The following PKD1L1 variants were observed in gnomAD, a reference collection of about 807,000 sequenced individuals.
The protein encoded by PKD1L1 is polycystin-1-like protein 1.
In PKD1L1, 236 loss-of-function variants were observed where a neutral mutation model predicts 323.4. The observed-to-expected ratio is 0.73, with a 90% CI of 0.66 to 0.81. The LOEUF (loss-of-function observed/expected upper bound fraction) is 0.81. Ranked by LOEUF, PKD1L1 falls within the 40% of genes least tolerant of loss-of-function variation. PKD1L1 has a pLI of 0.00. For synonymous variants in PKD1L1, 1,344 were observed against 1,335.0 expected (o/e 1.01, Z -0.15); for missense variants, 3,320 against 3,508.0 (o/e 0.95, Z 1.35).
At chr7:47,882,628 C>T in intron 19 of PKD1L1, among the ~76,000 whole-genome samples, 1 of 145,510 alleles carries the variant, frequency 6.9e-6, no homozygotes, top group East Asian at 2.1e-4. Flanking sequence ...GAAGGAGTTT[C>T]CAGGTTGAGT....
Position 47,902,399 on chromosome 7 carries a change from T to C in PKD1L1, c.2044A>G (p.Met682Val), listed in dbSNP as rs202215999. ...EPCQPPLVKN[M>V]GPGKVQIWRS... Reference sequence around the variant, plus strand: ...CCTACCTGGACTTTCCCAGGCCCCATGTTCTTCACCAGGGGTGGCTGGCAG... The same window carrying C: ...CCTACCTGGACTTTCCCAGGCCCCACGTTCTTCACCAGGGGTGGCTGGCAG... The change falls in exon 13 of 57, where the codon ATG (methionine) becomes GTG (valine). Residue 682 changes from methionine to valine, a missense_variant. Coordinates refer to ENST00000289672, the MANE Select transcript of PKD1L1 (RefSeq NM_138295.5). 22 of 1,614,168 alleles carry C rather than the reference T, an allele frequency of 1.4e-5. No individual in the cohort carries two copies. Among genetic ancestry groups the C allele is most frequent in the Middle Eastern group, 3.3e-4 (2 of 6,062 alleles).
chr7:47,808,115 G>T, intron 52 of PKD1L1, 132 bp downstream of exon 52: 1 of 1,188,152 alleles, frequency 8.4e-7, no homozygotes, highest in Non-Finnish European at 1.2e-6. Flanking sequence ...CCATCTGCCA[G>T]CTCAGAGCAT....
chr7:47,924,720 A>G (rs966043030), intron 7 of PKD1L1, among the ~76,000 whole-genome samples: 1 of 152,226 alleles, frequency 6.6e-6, no homozygotes, highest in South Asian at 2.1e-4. Flanking sequence ...TGGCCTCTGC[A>G]TTACAGTAAG....
intron 56 of PKD1L1, among the ~76,000 whole-genome samples, chr7:47,788,589 T>TTTA (rs1786867402): frequency 3.7e-5 from 5 of 135,044 alleles, no homozygotes; most frequent in African/African-American, 1.4e-4. Context: ...TTTTTTTTTT[T>TTTA]AATTTTAATT....
chr7:47,908,379 C>G (rs573268683), intron 8 of PKD1L1, 129 bp from the exon 9 acceptor site: 1 of 892,540 alleles, frequency 1.1e-6, no homozygotes, highest in East Asian at 2.6e-5. Context: ...TCTTTCTTGT[C>G]TCTTGTAGCA....
At chr7:47,902,578 TTCATACCCAC>T in intron 12 of PKD1L1, 67 bp from the exon 13 acceptor site, 1 of 1,536,016 alleles carries the variant, frequency 6.5e-7, no homozygotes, top group Non-Finnish European at 8.9e-7. Context: ...TCATTCACTC[TTCATACCCAC>T]TCATATCTGC....
At chr7:47,857,105 C>A (rs1166966861) in intron 28 of PKD1L1, among the ~76,000 whole-genome samples, 2 of 152,222 alleles carry the variant, frequency 1.3e-5, no homozygotes, top group Non-Finnish European at 1.5e-5. Flanking sequence ...GAGCCAGGGG[C>A]CACCCTGCAG....
intron 46 of PKD1L1, chr7:47,817,977 G>A (rs1177593566): frequency 8.5e-7 from 1 of 1,178,954 alleles, no homozygotes; most frequent in South Asian, 1.4e-5. Flanking sequence ...ATCCTTTCAA[G>A]TATTTGATCT....
rs1263629346 is a variant in PKD1L1 at position 47,873,909 on chromosome 7, CCAGA to C, written c.3882_3885del (p.Cys1294TrpfsTer10). 3.1e-6 allele frequency: 5 copies of C among 1,613,218 alleles called. No homozygotes were observed. The Admixed American group carries it at 5.0e-5, about 16-fold the overall frequency. On this transcript the variant is annotated frameshift_variant, in exon 24 of 57. Transcript: ENST00000289672. LOFTEE classifies it high-confidence loss of function. ...CATTGTGTTACTCACAGGTCCTCGC[CCAGA>C]CAGTCATTTCCATGGTAGCGGGGCA...
Position 47,830,092 on chromosome 7 carries a change from T to C in PKD1L1, c.6506A>G (p.His2169Arg). Residue 2169 changes from histidine (H) to arginine (R), a missense_variant, in exon 43 of 57, where the codon CAC (histidine) becomes CGC (arginine). By Grantham distance (29) the His-to-Arg change is conservative. Transcript: ENST00000289672. ...GCAGACCACGGAGAGGGACAGCAGG[T>C]GCAGCCACTGCACACATTGCTCCTG... ...FGQEQCVQWL[H>R]LLSLSVVCCI... is the part of the protein sequence containing the mutation. The C allele has an allele frequency of 6.2e-7, 1 of 1,613,770 alleles. No homozygotes were observed. The highest frequency in any genetic ancestry group is 1.1e-5 in the South Asian group (1 of 91,012).
At chr7:47,959,724 C>A in the PKD1L1 span, among the ~76,000 whole-genome samples, 1 of 143,966 alleles carries the variant, frequency 6.9e-6, no homozygotes, top group Non-Finnish European at 1.6e-5. Context: ...GCCCAGCCAG[C>A]CGCCCCGTCC....
intron 30 of PKD1L1, among the ~76,000 whole-genome samples, chr7:47,854,463 T>G (rs1031482091): frequency 6.6e-6 from 1 of 152,302 alleles, no homozygotes; most frequent in Non-Finnish European, 1.5e-5. Flanking sequence ...GGTAATTTAT[T>G]TATTAACTGG....
At chr7:47,805,029 G>A (rs185881965) in intron 52 of PKD1L1, among the ~76,000 whole-genome samples, 1 of 151,976 alleles carries the variant, frequency 6.6e-6, no homozygotes, top group Admixed American at 6.6e-5. Flanking sequence ...TTCATTTATG[G>A]AACATCTGCT....
chr7:47,796,085 T>A lies in PKD1L1; in HGVS notation c.8259A>T (p.Arg2753Ser), dbSNP rs1242296189. Reference sequence around the variant, plus strand: ...ACATATAAGCAGTGACATCTTTAAGTCTCACAAAAGATTTACTTTGAAAAG... The same window carrying A: ...ACATATAAGCAGTGACATCTTTAAGACTCACAAAAGATTTACTTTGAAAAG... ...RKSFQSKSFV[R>S]LKDVTAYMWE... Residue 2753 changes from arginine (R) to serine (S), a missense_variant, in exon 55 of 57, where the codon AGA (arginine) becomes AGT (serine). By Grantham distance (110) the Arg-to-Ser change is moderately radical (BLOSUM62 -1). Coordinates refer to ENST00000289672, the MANE Select transcript of PKD1L1 (RefSeq NM_138295.5). 4 of 1,611,188 alleles carry A rather than the reference T, an allele frequency of 2.5e-6. No homozygotes were observed. The African/African-American group carries it at 5.3e-5, about 22-fold the overall frequency.
chr7:47,796,439 C>T (rs1455427100), intron 54 of PKD1L1, among the ~76,000 whole-genome samples: 1 of 152,132 alleles, frequency 6.6e-6, no homozygotes, highest in East Asian at 1.9e-4. Context: ...TGTGCATGCC[C>T]ATATGTAAAG....
At chr7:47,924,397 C>T (rs191153323) in intron 7 of PKD1L1, among the ~76,000 whole-genome samples, 4 of 152,156 alleles carry the variant, frequency 2.6e-5, no homozygotes, top group African/African-American at 4.8e-5. Flanking sequence ...TCTACTGAAA[C>T]GTTAAATCCA....
intron 9 of PKD1L1, among the ~76,000 whole-genome samples, chr7:47,906,267 A>G (rs1377786341): frequency 6.6e-6 from 1 of 152,198 alleles, no homozygotes; most frequent in African/African-American, 2.4e-5. Context: ...TTTTTAAAGT[A>G]TTTCTCAATA....
chr7:47,842,237 G>A (rs1224180485), intron 34 of PKD1L1, among the ~76,000 whole-genome samples: 1 of 151,678 alleles, frequency 6.6e-6, no homozygotes, highest in Non-Finnish European at 1.5e-5. Flanking sequence ...GGCTTATGGT[G>A]AGTAAGGACC....
chr7:47,862,572 G>C (rs1786056202), intron 26 of PKD1L1, among the ~76,000 whole-genome samples: 1 of 152,142 alleles, frequency 6.6e-6, no homozygotes, highest in Admixed American at 6.5e-5. Flanking sequence ...AAATGAGATA[G>C]TTGCTGTTGT....
Sources: gnomAD v4.1 joint callset for allele counts (sites outside exome capture counted in the v4.1 genomes callset) on GRCh38, gnomAD v4.1.1 for gene constraint, MANE v1.5 for transcripts, NCBI Gene and HGNC (gene_info 2026-07-23, HGNC 2026-07-21) for gene names.